The following CLGN variants were observed in gnomAD, a reference collection of about 807,000 sequenced individuals.
CLGN encodes the protein calmegin, also known as testis tissue sperm-binding protein Li 79P.
A neutral mutation model predicts 79.1 loss-of-function variants in CLGN; 62 were observed. The observed-to-expected ratio is 0.78, with a 90% CI of 0.64 to 0.97. The LOEUF is 0.97. Ranked by LOEUF, CLGN falls within the 50% of genes least tolerant of loss-of-function variation. The probability of loss-of-function intolerance (pLI) is 0.00; values close to 1 mark genes in which losing one functional copy is unlikely to be tolerated. For missense variants in CLGN, 647 were observed against 715.5 expected, an observed-to-expected ratio of 0.90 and a Z score of 1.09; for synonymous variants, 225 against 224.7, an observed-to-expected ratio of 1.00 and a Z score of -0.01.
At chr4:140,412,767 A>G (rs1251341385) in intron 2 of CLGN, among the ~76,000 whole-genome samples, 168 bp downstream of exon 2, 1 of 152,214 alleles carries the variant, frequency 6.6e-6, no homozygotes, top group Non-Finnish European at 1.5e-5. Context: ...TCTGAATTAC[A>G]TGGGCACTCT....
Position 140,409,879 on chromosome 4 carries a change from C to G in CLGN, c.235G>C (p.Ala79Pro), listed in dbSNP as rs757535313. ...TCCTCATCCATGTCATCTTTCTTTGCTTTTGATAAGACCCATCTGTAAATA... is the reference window on the plus strand; with the variant it reads ...TCCTCATCCATGTCATCTTTCTTTGGTTTTGATAAGACCCATCTGTAAATA... ...GRLAGWVLSK[A>P]KKDDMDEEIS... The change falls in exon 4 of 15, where the codon GCA (alanine) becomes CCA (proline). Residue 79 changes from alanine (A) to proline (P), a missense_variant. Physicochemically the swap from Ala to Pro is conservative, Grantham distance 27. Transcript: ENST00000325617. 1 of 1,598,648 alleles carries G rather than the reference C, an allele frequency of 6.3e-7. No individual in the cohort carries two copies. Among genetic ancestry groups the G allele is most frequent in the Non-Finnish European group, 8.6e-7 (1 of 1,169,458 alleles).
intron 5 of CLGN, among the ~76,000 whole-genome samples, chr4:140,403,673 A>G (rs1265709496): frequency 6.6e-6 from 1 of 152,266 alleles, no homozygotes; most frequent in African/African-American, 2.4e-5. Flanking sequence ...CAGTGGCTGC[A>G]TAAATGTGAA....
chr4:140,392,246 G>T lies in CLGN; in HGVS notation c.1624C>A (p.Gln542Lys). ...KPMDLEEEKK[Q>K]NDGEMLEKEE... ...TTTTCAAGCATTTCACCATCATTTTGCTTTTTTTCCTCTTCCAGGTCCATT... is the reference window on the plus strand; with the variant it reads ...TTTTCAAGCATTTCACCATCATTTTTCTTTTTTTCCTCTTCCAGGTCCATT... The change falls in exon 13 of 15, where the codon CAA becomes AAA. Residue 542 changes from glutamine (Q) to lysine (K), a missense_variant. Transcript: ENST00000325617. 6.2e-7 allele frequency: 1 copy of T among 1,612,712 alleles called. No individual in the cohort carries two copies.
chr4:140,403,612 C>T (rs1162821406), intron 5 of CLGN, among the ~76,000 whole-genome samples: 1 of 152,110 alleles, frequency 6.6e-6, no homozygotes, highest in African/African-American at 2.4e-5. Flanking sequence ...TAGATTATCT[C>T]AGGACAGAGC....
At chr4:140,397,609 T>C (rs1255673833) in intron 8 of CLGN, among the ~76,000 whole-genome samples, 3 of 152,164 alleles carry the variant, frequency 2.0e-5, no homozygotes, top group Non-Finnish European at 4.4e-5. Flanking sequence ...CATTCTTATT[T>C]TAAAAAGAAC....
chr4:140,405,468 G>A (rs1005435456), intron 5 of CLGN, among the ~76,000 whole-genome samples: 2 of 152,116 alleles, frequency 1.3e-5, no homozygotes, highest in African/African-American at 2.4e-5. Context: ...ACAGGCGTGA[G>A]CCACCGCGCC....
intron 3 of CLGN, among the ~76,000 whole-genome samples, 161 bp downstream of exon 3, chr4:140,410,392 A>G (rs1251512491): frequency 3.3e-5 from 5 of 152,018 alleles, no homozygotes; most frequent in Non-Finnish European, 7.4e-5. Context: ...TAAACATTCT[A>G]TCAATTACAA....
At chr4:140,410,449 A>AT (rs1166943350) in intron 3 of CLGN, 104 bp downstream of exon 3, 1 of 745,994 alleles carries the variant, frequency 1.3e-6, no homozygotes, top group Admixed American at 2.6e-5. Context: ...CTACTTTAAA[A>AT]TTTTTTATAG....
At chr4:140,394,240 T>C (rs1425569185) in intron 10 of CLGN, among the ~76,000 whole-genome samples, 199 bp from the exon 11 acceptor site, 1 of 152,200 alleles carries the variant, frequency 6.6e-6, no homozygotes, top group East Asian at 1.9e-4. Context: ...CTACGAGTGA[T>C]ACTAACTTTA....
intron 1 of CLGN, among the ~76,000 whole-genome samples, chr4:140,427,182 GCTC>G (rs1729585769): frequency 6.6e-6 from 1 of 152,214 alleles, no homozygotes; most frequent in East Asian, 1.9e-4. Flanking sequence ...GCTCCCGGTG[GCTC>G]CTCAAGCCCG....
rs2126617763 is a variant in CLGN at position 140,397,367 on chromosome 4, C to T, written c.885-1162G>A. 3.3e-5 allele frequency among the ~76,000 whole-genome samples: 5 copies of T among 151,972 alleles called. No homozygotes were observed. In the South Asian group the frequency reaches 1.0e-3, roughly 32 times the overall value. ...AAAACTATTTTTTCTTAGCTCATTA[C>T]CTTTATACTAAGAAATTAGCTCTCT... On this transcript the variant is annotated intron_variant, in intron 8 of 14. Coordinates refer to ENST00000325617, the MANE Select transcript of CLGN (RefSeq NM_004362.3).
rs573033452 is a variant in CLGN, at chr4:140,421,250, C to A, written c.-10+6287G>T. ...CCACCTGTTGGCTGTTGTGAATAAT[C>A]CTACAATGAATATGGGTATACAAAT... is the stretch of plus-strand genomic sequence containing the variant. On this transcript the variant is annotated intron_variant, in intron 1 of 14. Coordinates refer to ENST00000325617, the MANE Select transcript of CLGN (RefSeq NM_004362.3). 2.6e-5 allele frequency among the ~76,000 whole-genome samples: 4 copies of A among 152,174 alleles called. No individual in the cohort carries two copies. The South Asian group carries it at 8.3e-4, about 32-fold the overall frequency.
intron 4 of CLGN, among the ~76,000 whole-genome samples, chr4:140,407,093 T>C (rs1478535377): frequency 6.6e-6 from 1 of 152,188 alleles, no homozygotes; most frequent in South Asian, 2.1e-4. Context: ...TCTATAATTG[T>C]ACATACATTT....
intron 11 of CLGN, among the ~76,000 whole-genome samples, chr4:140,393,134 A>G (rs1011931715): frequency 1.3e-5 from 2 of 152,144 alleles, no homozygotes; most frequent in East Asian, 3.9e-4. Flanking sequence ...TTTTATATAA[A>G]CACATTTCAC....
intron 10 of CLGN, 83 bp downstream of exon 10, chr4:140,395,736 T>C: frequency 1.7e-6 from 2 of 1,184,836 alleles, no homozygotes; most frequent in Non-Finnish European, 2.2e-6. Flanking sequence ...CTTCCAAAAG[T>C]TGACATAGGT....
intron 10 of CLGN, 81 bp downstream of exon 10, chr4:140,395,738 G>T: frequency 8.4e-7 from 1 of 1,193,204 alleles, no homozygotes; most frequent in Non-Finnish European, 1.1e-6. Flanking sequence ...TCCAAAAGTT[G>T]ACATAGGTAA....
intron 3 of CLGN, 83 bp downstream of exon 3, chr4:140,410,470 G>A: frequency 1.1e-6 from 1 of 885,692 alleles, no homozygotes; most frequent in Non-Finnish European, 1.9e-6. Flanking sequence ...ATCTGTAGTA[G>A]AGATAATTTT....
chr4:140,407,691 A>G (rs1729134612), intron 4 of CLGN, among the ~76,000 whole-genome samples: 1 of 152,150 alleles, frequency 6.6e-6, no homozygotes, highest in Admixed American at 6.5e-5. Context: ...TAGATGACAC[A>G]AACAAATGGA....
At chr4:140,396,420 CTTT>C (rs538942053) in intron 8 of CLGN, among the ~76,000 whole-genome samples, 1 of 151,954 alleles carries the variant, frequency 6.6e-6, no homozygotes, top group Non-Finnish European at 1.5e-5. Flanking sequence ...CGTATACATT[CTTT>C]TTTTTAATAC....
Sources: gnomAD v4.1 joint callset for allele counts (sites outside exome capture counted in the v4.1 genomes callset) on GRCh38, gnomAD v4.1.1 for gene constraint, MANE v1.5 for transcripts, NCBI Gene and HGNC (gene_info 2026-07-23, HGNC 2026-07-21) for gene names.